SGSM1: variants seen among roughly 807,000 people sequenced by gnomAD.
SGSM1 encodes the protein RUN and TBC1 domain containing 2.
A neutral mutation model predicts 133.8 loss-of-function variants in SGSM1; 73 were observed. That is an observed-to-expected ratio of 0.55 (90% CI 0.45 to 0.66). The LOEUF (loss-of-function observed/expected upper bound fraction) is 0.66, where lower values mean the gene tolerates loss of function less well. SGSM1 is among the 30% of genes least tolerant of loss of function. The probability of loss-of-function intolerance (pLI) is 0.00; values close to 1 mark genes in which losing one functional copy is unlikely to be tolerated. For synonymous variants in SGSM1, 563 were observed against 573.0 expected (o/e 0.98, Z 0.25); for missense variants, 1,213 against 1,448.1 (o/e 0.84, Z 2.64).
At chr22:24,866,202 C>T (rs1420859412) in intron 9 of SGSM1, among the ~76,000 whole-genome samples, 2 of 152,164 alleles carry the variant, frequency 1.3e-5, no homozygotes, top group African/African-American at 2.4e-5. Flanking sequence ...GGGACCACTT[C>T]CCAGGTACGC....
chr22:24,857,212 G>A (rs1930847086), intron 8 of SGSM1, among the ~76,000 whole-genome samples: 1 of 149,286 alleles, frequency 6.7e-6, no homozygotes, highest in Admixed American at 6.7e-5. Context: ...GACCAGCCTG[G>A]CCAATATGGT....
At chr22:24,812,326 A>G (rs1248605257) in intron 2 of SGSM1, among the ~76,000 whole-genome samples, 1 of 152,202 alleles carries the variant, frequency 6.6e-6, no homozygotes, top group East Asian at 1.9e-4. Context: ...GGAGAGAACC[A>G]TCATCTCTTT....
At chr22:24,895,348 T>C (rs1932890807) in intron 18 of SGSM1, 57 bp downstream of exon 18, 1 of 1,555,388 alleles carries the variant, frequency 6.4e-7, no homozygotes. Flanking sequence ...CTGCCTGGGG[T>C]CATGGGGGTT....
intron 19 of SGSM1, among the ~76,000 whole-genome samples, chr22:24,900,649 G>A (rs1242087987): frequency 2.0e-5 from 3 of 152,172 alleles, no homozygotes; most frequent in South Asian, 4.2e-4. Context: ...CGCCCGCCTC[G>A]GCCTCCCAAA....
rs534822764 is a variant in SGSM1, at chr22:24,840,172, C to A, written c.64-4725C>A. 3.9e-4 allele frequency among the ~76,000 whole-genome samples: 60 copies of A among 152,186 alleles called. No individual in the cohort carries two copies. The South Asian group carries it at 4.0e-3, about 10-fold the overall frequency. On this transcript the variant is annotated intron_variant, in intron 2 of 24. Coordinates refer to ENST00000400358, the MANE Select transcript of SGSM1 (RefSeq NM_001098497.3). The stretch of plus-strand genomic sequence containing the variant: ...TGTTAGCCAGGATGGTCTCGATCTC[C>A]TGACCTCGTGATCTGCCTGCATCAG...
At chr22:24,851,304 G>A (rs1930452622) in intron 5 of SGSM1, among the ~76,000 whole-genome samples, 2 of 151,932 alleles carry the variant, frequency 1.3e-5, no homozygotes, top group Non-Finnish European at 2.9e-5. Flanking sequence ...CAGGGATATA[G>A]TGGTGATACC....
intron 9 of SGSM1, among the ~76,000 whole-genome samples, chr22:24,862,913 A>C (rs1343015774): frequency 1.3e-5 from 2 of 152,120 alleles, no homozygotes. Flanking sequence ...AGGGGTCTGC[A>C]GGGGCTTCTC....
chr22:24,869,580 C>T (rs1931663156), intron 12 of SGSM1, among the ~76,000 whole-genome samples: 1 of 152,212 alleles, frequency 6.6e-6, no homozygotes. Flanking sequence ...ACATACAGAA[C>T]ACTCAAATGT....
At chr22:24,910,844 C>T (rs1933590840) in intron 21 of SGSM1, among the ~76,000 whole-genome samples, 1 of 152,076 alleles carries the variant, frequency 6.6e-6, no homozygotes, top group Admixed American at 6.6e-5. Flanking sequence ...ACACGGGAGG[C>T]TGCGGCAGGA....
At chr22:24,913,399 A>C (rs886097117) in intron 22 of SGSM1, among the ~76,000 whole-genome samples, 5 of 152,092 alleles carry the variant, frequency 3.3e-5, no homozygotes, top group African/African-American at 1.2e-4. Flanking sequence ...GTGCCATATG[A>C]AGCTCTCCAG....
intron 16 of SGSM1, among the ~76,000 whole-genome samples, chr22:24,890,278 A>G (rs1932792968): frequency 6.6e-6 from 1 of 152,146 alleles, no homozygotes; most frequent in Admixed American, 6.5e-5. Context: ...TTGACTTAAG[A>G]TATTTTCAAC....
chr22:24,905,926 A>T (rs563697595), intron 21 of SGSM1, among the ~76,000 whole-genome samples: 2 of 152,294 alleles, frequency 1.3e-5, no homozygotes, highest in Admixed American at 1.3e-4. Flanking sequence ...TGGGTGTCTC[A>T]TTGGCACCCA....
intron 12 of SGSM1, among the ~76,000 whole-genome samples, chr22:24,873,709 T>C (rs1191233772): frequency 1.3e-5 from 2 of 152,100 alleles, no homozygotes; most frequent in African/African-American, 4.8e-5. Context: ...AAACATTAGC[T>C]GGCCATGCTG....
intron 2 of SGSM1, among the ~76,000 whole-genome samples, chr22:24,819,164 A>C (rs909519928): frequency 1.3e-5 from 2 of 151,296 alleles, no homozygotes; most frequent in African/African-American, 4.9e-5. Flanking sequence ...AAAAACAATA[A>C]TCACAACCCC....
chr22:24,907,911 C>CAA (rs796505229), intron 21 of SGSM1, among the ~76,000 whole-genome samples: 173 of 56,640 alleles, frequency 3.1e-3, no homozygotes, highest in African/African-American at 3.9e-3. Context: ...GACGCCATCT[C>CAA]AAAAAAAAAA....
rs1933178276 is a variant in SGSM1 at position 24,901,917 on chromosome 22, A to G, written c.2695A>G (p.Thr899Ala). ...GTGCGACCGCAACTACTGGTACTTC[A>G]CGCCCGCCAACTTGGAGAAGCTGCG... is the stretch of plus-strand genomic sequence containing the variant. The part of the protein sequence containing the change: ...QRCDRNYWYF[T>A]PANLEKLRNI... Residue 899 changes from threonine to alanine, a missense_variant, in exon 20 of 25, where the codon ACG becomes GCG. Physicochemically the swap from Thr to Ala is moderately conservative, Grantham distance 58. Coordinates refer to ENST00000400358, the MANE Select transcript of SGSM1 (RefSeq NM_001098497.3). 7.1e-7 allele frequency: 1 copy of G among 1,407,898 alleles called. No individual in the cohort carries two copies. The highest frequency in any genetic ancestry group is 1.5e-5 in the African/African-American group (1 of 67,290). The allele number at this position is 1,407,898 out of a possible 1,614,324, so 87.2% of individuals were successfully genotyped here. A position where few individuals can be genotyped will look rare whatever the true frequency, so the allele number is the denominator to read the frequency against.
intron 2 of SGSM1, among the ~76,000 whole-genome samples, chr22:24,810,166 T>G (rs1927651686): frequency 6.6e-6 from 1 of 152,108 alleles, no homozygotes; most frequent in African/African-American, 2.4e-5. Flanking sequence ...AAGAAGGTGA[T>G]GGAGCTGAAA....
intron 18 of SGSM1, among the ~76,000 whole-genome samples, chr22:24,896,447 T>G (rs554155316): frequency 8.4e-4 from 128 of 152,252 alleles, no homozygotes; most frequent in African/African-American, 3.0e-3. Context: ...TGGAACATGA[T>G]CTTTAACTGT....
chr22:24,806,383 C>G, intron 1 of SGSM1, 39 bp downstream of exon 1: 1 of 1,507,208 alleles, frequency 6.6e-7, no homozygotes, highest in Non-Finnish European at 8.9e-7. Context: ...GGGAGGGCAG[C>G]GCCCGGCCCC....
Sources: allele counts gnomAD v4.1 joint callset (sites outside exome capture counted in the v4.1 genomes callset), GRCh38; gene constraint gnomAD v4.1.1; transcripts MANE v1.5; gene names NCBI Gene and HGNC (gene_info 2026-07-23, HGNC 2026-07-21).